The following DOCK2 variants were observed in gnomAD, a reference collection of about 807,000 sequenced individuals.
DOCK2 encodes dedicator of cytokinesis protein 2.
A neutral mutation model predicts 248.9 loss-of-function variants in DOCK2; 87 were observed. That is an observed-to-expected ratio of 0.35 (90% CI 0.29 to 0.42). DOCK2 has a LOEUF of 0.42. DOCK2 is among the 10% of genes least tolerant of loss of function. The probability of loss-of-function intolerance (pLI) is 1.00; values close to 1 mark genes in which losing one functional copy is unlikely to be tolerated. For synonymous variants in DOCK2, 805 were observed against 821.6 expected (o/e 0.98, Z 0.35); for missense variants, 1,747 against 2,300.2 (o/e 0.76, Z 4.92).
In DOCK2 at chr5:170,020,465, G is replaced by T. The variant is rs573319282; in HGVS notation, c.3381+1357G>T. ...TGCATCTAATGATGATGATGATGAT[G>T]ATTATAATGACTGACTTTAGATATT... On this transcript the variant is annotated intron_variant, in intron 33 of 51. Coordinates refer to ENST00000520908, the MANE Select transcript of DOCK2 (RefSeq NM_004946.3). Among the ~76,000 whole-genome samples, 9 of 152,230 alleles carry T rather than the reference G, an allele frequency of 5.9e-5. 1 individual carries two copies. The East Asian group carries it at 1.2e-3, about 20-fold the overall frequency.
intron 27 of DOCK2, among the ~76,000 whole-genome samples, chr5:169,891,945 G>A (rs1251282548): frequency 2.0e-5 from 3 of 147,758 alleles, no homozygotes; most frequent in Non-Finnish European, 4.4e-5. Context: ...GCAGTGAGCC[G>A]AGATTGTGCC....
chr5:169,987,572 A>G (rs1778100492), intron 29 of DOCK2, among the ~76,000 whole-genome samples: 1 of 152,194 alleles, frequency 6.6e-6, no homozygotes, highest in Non-Finnish European at 1.5e-5. Context: ...AGCTGTCCAC[A>G]CGGTCCTTCT....
intron 26 of DOCK2, among the ~76,000 whole-genome samples, chr5:169,818,481 G>C (rs1316451381): frequency 2.0e-5 from 3 of 152,146 alleles, no homozygotes; most frequent in Non-Finnish European, 4.4e-5. Flanking sequence ...GGTGGTACTG[G>C]GGCCTCTCTG....
chr5:169,903,523 G>A (rs1332337815), intron 27 of DOCK2, among the ~76,000 whole-genome samples: 6 of 151,656 alleles, frequency 4.0e-5, no homozygotes, highest in East Asian at 2.0e-4. Context: ...AGGAGCCAGC[G>A]GGGGCCGGGG....
rs775150053 is a variant in DOCK2, at chr5:170,055,405, A to G, written c.4295+19A>G. ...TTATAAAGTAAGACTCGTTGTCCAC[A>G]GGGAAGAAGGATGGGGAAGAGAACC... On this transcript the variant is annotated intron_variant, in intron 42 of 51. Coordinates refer to ENST00000520908, the MANE Select transcript of DOCK2 (RefSeq NM_004946.3). The G allele has an allele frequency of 1.9e-6, 3 of 1,612,374 alleles. No homozygotes were observed. Among genetic ancestry groups the G allele is most frequent in the African/African-American group, 2.7e-5 (2 of 74,908 alleles).
At chr5:169,922,696 A>G (rs1399233109) in intron 27 of DOCK2, among the ~76,000 whole-genome samples, 3 of 152,216 alleles carry the variant, frequency 2.0e-5, no homozygotes, top group Non-Finnish European at 4.4e-5. Context: ...AGCTTAATGT[A>G]TACTTGAGCT....
At chr5:169,647,407 T>C (rs1757529375) in intron 1 of DOCK2, among the ~76,000 whole-genome samples, 1 of 151,160 alleles carries the variant, frequency 6.6e-6, no homozygotes, top group Non-Finnish European at 1.5e-5. Flanking sequence ...GAGTTGGAGG[T>C]TTTAAAATTT....
intron 44 of DOCK2, among the ~76,000 whole-genome samples, chr5:170,058,290 TC>T (rs2113859665): frequency 6.6e-6 from 1 of 152,324 alleles, no homozygotes; most frequent in South Asian, 2.1e-4. Flanking sequence ...ATTTATTTAT[TC>T]ATTCATTCAG....
At chr5:169,778,395 G>A (rs1379254750) in intron 25 of DOCK2, among the ~76,000 whole-genome samples, 1 of 152,152 alleles carries the variant, frequency 6.6e-6, no homozygotes, top group Admixed American at 6.5e-5. Context: ...TATTGGTTGG[G>A]CTGCACTCGA....
At chr5:169,708,075 C>T in intron 14 of DOCK2, 94 bp from the exon 15 acceptor site, 2 of 1,360,592 alleles carry the variant, frequency 1.5e-6, no homozygotes, top group Admixed American at 2.0e-5. Flanking sequence ...GGCCCAGGCC[C>T]TAAGGCTGGT....
At position 170,030,342 on chromosome 5, in the gene DOCK2, C is replaced by T. The variant is rs183571770; in HGVS notation, c.3467+2394C>T. Among the ~76,000 whole-genome samples, 406 of 152,244 alleles carry T rather than the reference C, an allele frequency of 2.7e-3. 7 individuals are homozygous for T. Among genetic ancestry groups the T allele is most frequent in the Non-Finnish European group, 5.0e-4 (34 of 68,020 alleles). ...CAAGCCCGACACAGGGAGCCAGGTC[C>T]CCATCAGAACATCCATGGGGCCCCT... On this transcript the variant is annotated intron_variant, in intron 34 of 51. Transcript: ENST00000520908.
chr5:169,723,514 T>C (rs1016036132), intron 22 of DOCK2, among the ~76,000 whole-genome samples: 1 of 152,136 alleles, frequency 6.6e-6, no homozygotes, highest in Non-Finnish European at 1.5e-5. Context: ...TCACTTATCA[T>C]CTTCAGCAGT....
chr5:169,974,776 C>T (rs1224550641), intron 27 of DOCK2, among the ~76,000 whole-genome samples: 1 of 152,158 alleles, frequency 6.6e-6, no homozygotes, highest in Non-Finnish European at 1.5e-5. Context: ...TTGTTGTATA[C>T]ATGGAGAATA....
rs139036481 is a variant in DOCK2, at chr5:170,027,780, G to T, written c.3382-83G>T. 231 of 1,334,018 alleles carry T rather than the reference G, an allele frequency of 1.7e-4. No individual in the cohort carries two copies. The African/African-American group carries it at 2.7e-3, about 15-fold the overall frequency. The allele number at this position is 1,334,018 out of a possible 1,614,324, so 82.6% of individuals were successfully genotyped here. A position where few individuals can be genotyped will look rare whatever the true frequency, so the allele number is the denominator to read the frequency against. ...TGGGAGATAAAGAGTGCTCCCTAAA[G>T]CTTTGGTTGAAATAATGAATTGACT... On this transcript the variant is annotated intron_variant, in intron 33 of 51. Coordinates refer to ENST00000520908, the MANE Select transcript of DOCK2 (RefSeq NM_004946.3).
intron 30 of DOCK2, among the ~76,000 whole-genome samples, chr5:169,999,272 T>C (rs1754753165): frequency 6.6e-6 from 1 of 152,164 alleles, no homozygotes; most frequent in African/African-American, 2.4e-5. Flanking sequence ...AATTACTTCA[T>C]CTCTATGTGC....
At chr5:169,972,943 G>A (rs567856548) in intron 27 of DOCK2, among the ~76,000 whole-genome samples, 2 of 152,274 alleles carry the variant, frequency 1.3e-5, no homozygotes, top group South Asian at 4.1e-4. Context: ...CCTAGTACCT[G>A]AGTGTGCTGT....
At chr5:169,880,000 CCTCT>C (rs2113495015) in intron 27 of DOCK2, among the ~76,000 whole-genome samples, 1 of 152,194 alleles carries the variant, frequency 6.6e-6, no homozygotes, top group South Asian at 2.1e-4. Flanking sequence ...ATAGTTTTGT[CCTCT>C]CTGTCTAGAC....
intron 8 of DOCK2, among the ~76,000 whole-genome samples, chr5:169,688,107 G>A (rs1453193895): frequency 6.6e-6 from 1 of 152,024 alleles, no homozygotes; most frequent in Non-Finnish European, 1.5e-5. Context: ...TATATTTTTA[G>A]TAGAGGCAGG....
chr5:170,034,756 C>T (rs117177556), intron 35 of DOCK2, among the ~76,000 whole-genome samples: 2 of 152,270 alleles, frequency 1.3e-5, no homozygotes, highest in East Asian at 3.9e-4. Context: ...ATGCCTGCCT[C>T]CTTATTTATA....
Sources: gnomAD v4.1 joint callset for allele counts (sites outside exome capture counted in the v4.1 genomes callset) on GRCh38, gnomAD v4.1.1 for gene constraint, MANE v1.5 for transcripts, NCBI Gene and HGNC (gene_info 2026-07-23, HGNC 2026-07-21) for gene names.